Variants in C3orf22 observed in about 807,000 individuals in gnomAD.
C3orf22 encodes the protein chromosome 3 open reading frame 22.
A neutral mutation model predicts 10.8 loss-of-function variants in C3orf22; 7 were observed. The ratio of observed to expected loss-of-function variants is 0.65; its 90% confidence interval spans 0.37 to 1.22. C3orf22 has a LOEUF of 1.22. C3orf22 is among the 50% of genes most tolerant of loss of function. The probability of loss-of-function intolerance (pLI) is 0.02; values close to 1 mark genes in which losing one functional copy is unlikely to be tolerated. For missense variants in C3orf22, 173 were observed against 177.0 expected (o/e 0.98, Z 0.13); for synonymous variants, 79 against 78.9 (o/e 1.00, Z 0.00).
intron 1 of C3orf22, among the ~76,000 whole-genome samples, chr3:126,557,334 C>T (rs1005770468): frequency 6.6e-6 from 1 of 152,250 alleles, no homozygotes; most frequent in African/African-American, 2.4e-5. Context: ...GCGTGACCTA[C>T]TACCACACCT....
At chr3:126,530,143 A>C (rs1243775370) in intron 4 of C3orf22, among the ~76,000 whole-genome samples, 1 of 152,148 alleles carries the variant, frequency 6.6e-6, no homozygotes, top group African/African-American at 2.4e-5. Context: ...CTGTCCCTCC[A>C]TGGCAGCCTG....
chr3:126,548,352 C>T (rs933521845), downstream of C3orf22, among the ~76,000 whole-genome samples: 3 of 152,116 alleles, frequency 2.0e-5, no homozygotes, highest in African/African-American at 4.8e-5. Flanking sequence ...GGGCAGGGTA[C>T]GAGGGACTCA....
At chr3:126,529,310 C>A in exon 5 of C3orf22, 1 of 1,288,386 alleles carries the variant, frequency 7.8e-7, no homozygotes, top group Non-Finnish European at 1.0e-6. Context: ...TTGAGCAGCT[C>A]TCTCTGCTCT....
At chr3:126,548,357 G>T (rs908038747), downstream of C3orf22, among the ~76,000 whole-genome samples, 9 of 152,344 alleles carry the variant, frequency 5.9e-5, no homozygotes, top group South Asian at 4.1e-4. Flanking sequence ...GGGTACGAGG[G>T]ACTCAGGGTG....
At chr3:126,531,390 C>G (rs113115159) in intron 4 of C3orf22, among the ~76,000 whole-genome samples, 1 of 152,230 alleles carries the variant, frequency 6.6e-6, no homozygotes, top group Non-Finnish European at 1.5e-5. Flanking sequence ...TTCTTCTTAG[C>G]GACATTTATA....
At chr3:126,538,764 T>C (rs1873398) in intron 4 of C3orf22, among the ~76,000 whole-genome samples, 152,019 of 152,334 alleles carry the variant, frequency 1, 75,854 homozygotes, top group Middle Eastern at 1. Flanking sequence ...CATACCCCCA[T>C]GGCATAGCTG....
At chr3:126,536,923 A>ACACACACACACACC (rs557001264) in intron 4 of C3orf22, among the ~76,000 whole-genome samples, 1 of 141,458 alleles carries the variant, frequency 7.1e-6, no homozygotes, top group Non-Finnish European at 1.5e-5. Context: ...ACACACACAC[A>ACACACACACACACC]CCCCACACAC....
Position 126,549,907 on chromosome 3 carries a change from C to T in C3orf22, c.387G>A (p.Gln129=), listed in dbSNP as rs762889841. Residue 129 remains glutamine (Q), a synonymous_variant, in exon 4 of 4, where the codon CAG becomes CAA. Transcript: ENST00000318225. ...STRHTEAACP[Q]TSKAAGLSRG... Reference sequence around the variant, plus strand: ...TGGACAGCCCTGCCGCCTTGCTGGTCTGGGGGCAGGCAGCCTCAGTGTGCC... The same window carrying T: ...TGGACAGCCCTGCCGCCTTGCTGGTTTGGGGGCAGGCAGCCTCAGTGTGCC... 1 of 1,614,016 alleles carries T rather than the reference C, an allele frequency of 6.2e-7. No homozygotes were observed. The highest frequency in any genetic ancestry group is 8.5e-7 in the Non-Finnish European group (1 of 1,179,994).
intron 4 of C3orf22, among the ~76,000 whole-genome samples, chr3:126,544,539 G>A (rs556737099): frequency 2.8e-4 from 42 of 152,170 alleles, no homozygotes; most frequent in Non-Finnish European, 5.7e-4. Context: ...TGCTCCCTTA[G>A]AGGCCACACA....
intron 4 of C3orf22, among the ~76,000 whole-genome samples, chr3:126,538,388 C>G (rs938737489): frequency 6.6e-6 from 1 of 152,226 alleles, no homozygotes; most frequent in African/African-American, 2.4e-5. Context: ...GACTTTTCAC[C>G]CTAAGGGAGT....
At chr3:126,550,970 T>C (rs1472903764) in intron 3 of C3orf22, among the ~76,000 whole-genome samples, 1 of 152,232 alleles carries the variant, frequency 6.6e-6, no homozygotes, top group Non-Finnish European at 1.5e-5. Context: ...AGCCCAGCCC[T>C]GGCCGCTAAG....
At chr3:126,557,100 TCA>T (rs1276624656) in intron 1 of C3orf22, among the ~76,000 whole-genome samples, 1 of 151,234 alleles carries the variant, frequency 6.6e-6, no homozygotes, top group Non-Finnish European at 1.5e-5. Context: ...AGATTCACAC[TCA>T]CACACAGACA....
chr3:126,536,407 C>T, intron 4 of C3orf22: 2 of 1,415,780 alleles, frequency 1.4e-6, no homozygotes, highest in East Asian at 2.3e-5. Flanking sequence ...CAGCCAGGAG[C>T]CTGACAGCAA....
chr3:126,535,831 T>G (rs569561211), intron 4 of C3orf22, among the ~76,000 whole-genome samples: 1 of 152,368 alleles, frequency 6.6e-6, no homozygotes, highest in East Asian at 1.9e-4. Flanking sequence ...CCATCTCCAC[T>G]GTTGCCCAAA....
downstream of C3orf22, among the ~76,000 whole-genome samples, chr3:126,547,548 C>T (rs934949158): frequency 2.0e-5 from 3 of 152,202 alleles, no homozygotes; most frequent in Non-Finnish European, 4.4e-5. Context: ...GAGTTACCAA[C>T]TTTTTCTACA....
intron 4 of C3orf22, among the ~76,000 whole-genome samples, chr3:126,534,599 C>T (rs1936725168): frequency 1.3e-5 from 2 of 151,132 alleles, no homozygotes; most frequent in African/African-American, 4.9e-5. Flanking sequence ...CATCTCTGTC[C>T]TCAGCTGGGA....
At chr3:126,537,755 CAT>C (rs151187140) in intron 4 of C3orf22, among the ~76,000 whole-genome samples, 17,934 of 152,246 alleles carry the variant, frequency 0.12, 1,735 homozygotes, top group African/African-American at 0.27. Context: ...GGAGAAATAA[CAT>C]AGTAAAAACC....
chr3:126,541,978 G>C (rs754626828), intron 4 of C3orf22: 3 of 1,573,838 alleles, frequency 1.9e-6, no homozygotes, highest in East Asian at 2.4e-5. Flanking sequence ...CCGCGCAAGA[G>C]GCGCACGCGC....
At chr3:126,542,228 G>C (rs1289154843) in intron 4 of C3orf22, 7 of 1,505,760 alleles carry the variant, frequency 4.6e-6, no homozygotes, top group Non-Finnish European at 5.3e-6. Flanking sequence ...CGTGCGCTTC[G>C]CGGAGTTCCT....
Sources: gnomAD v4.1 joint callset for allele counts (sites outside exome capture counted in the v4.1 genomes callset) on GRCh38, gnomAD v4.1.1 for gene constraint, MANE v1.5 for transcripts, NCBI Gene and HGNC (gene_info 2026-07-23, HGNC 2026-07-21) for gene names.